The following CNTN5 variants were observed in gnomAD, a reference collection of about 807,000 sequenced individuals.
CNTN5 encodes the protein contactin 5.
Under a neutral mutation model 129.1 loss-of-function variants are expected in CNTN5, and 77 were observed. The ratio of observed to expected loss-of-function variants is 0.60; its 90% confidence interval spans 0.50 to 0.72. The LOEUF (loss-of-function observed/expected upper bound fraction) is 0.72. CNTN5 is among the 30% of genes least tolerant of loss of function. CNTN5 has a pLI of 0.00. For missense variants in CNTN5, 1,478 were observed against 1,328.8 expected, an observed-to-expected ratio of 1.11 and a Z score of -1.75; for synonymous variants, 509 against 465.6, an observed-to-expected ratio of 1.09 and a Z score of -1.20.
intron 21 of CNTN5, among the ~76,000 whole-genome samples, chr11:100,332,992 G>A (rs985283713): frequency 6.6e-6 from 1 of 152,082 alleles, no homozygotes; most frequent in Non-Finnish European, 1.5e-5. Flanking sequence ...TTGGTAAGGA[G>A]GAAGTCAAAC....
At chr11:99,648,581 G>T (rs1250717760) in intron 3 of CNTN5, among the ~76,000 whole-genome samples, 4 of 151,750 alleles carry the variant, frequency 2.6e-5, no homozygotes, top group Admixed American at 2.6e-4. Context: ...TTATCCAAAA[G>T]AAGTAAGTAT....
intron 3 of CNTN5, among the ~76,000 whole-genome samples, chr11:99,777,115 A>G (rs1945150505): frequency 6.6e-6 from 1 of 151,924 alleles, no homozygotes; most frequent in Non-Finnish European, 1.5e-5. Context: ...CTTTAAAGAA[A>G]TTAAGTTGAA....
intron 1 of CNTN5, among the ~76,000 whole-genome samples, chr11:99,314,376 G>A (rs1865245280): frequency 1.3e-5 from 2 of 152,090 alleles, no homozygotes; most frequent in African/African-American, 4.8e-5. Context: ...GAAGCATTCT[G>A]AAGTGCCATT....
intron 1 of CNTN5, among the ~76,000 whole-genome samples, chr11:99,144,448 A>G (rs1940500): frequency 0.94 from 143,699 of 152,194 alleles, 67,952 homozygotes; most frequent in East Asian, 1. Flanking sequence ...TCCATATCAC[A>G]TAAGGAAAAT....
intron 6 of CNTN5, among the ~76,000 whole-genome samples, chr11:99,908,167 A>G (rs893582494): frequency 2.6e-5 from 4 of 152,080 alleles, no homozygotes; most frequent in Non-Finnish European, 4.4e-5. Context: ...AGATAGTCCA[A>G]TTTAACAAAG....
chr11:99,401,366 C>T (rs895873851), intron 2 of CNTN5, among the ~76,000 whole-genome samples: 3 of 152,042 alleles, frequency 2.0e-5, no homozygotes, highest in African/African-American at 7.2e-5. Flanking sequence ...TTCTTGGTAC[C>T]TTTGTCAGAA....
intron 1 of CNTN5, among the ~76,000 whole-genome samples, chr11:99,234,993 T>C (rs990585569): frequency 6.6e-6 from 1 of 151,586 alleles, no homozygotes; most frequent in Non-Finnish European, 1.5e-5. Context: ...AAATGGCTAA[T>C]GACTGTTTGA....
chr11:99,981,077 G>GATAGAT (rs1938302649), intron 8 of CNTN5, among the ~76,000 whole-genome samples: 1 of 57,598 alleles, frequency 1.7e-5, no homozygotes, highest in Admixed American at 1.9e-4. Context: ...GAGCCAATAG[G>GATAGAT]ATATATATAT....
intron 3 of CNTN5, among the ~76,000 whole-genome samples, chr11:99,707,045 A>T (rs1036789484): frequency 6.6e-6 from 1 of 151,436 alleles, no homozygotes; most frequent in African/African-American, 2.4e-5. Context: ...GTTAATAGCC[A>T]TGTGGGTGAG....
chr11:100,248,358 A>C (rs1453756217), intron 16 of CNTN5, among the ~76,000 whole-genome samples: 1 of 152,072 alleles, frequency 6.6e-6, no homozygotes, highest in Non-Finnish European at 1.5e-5. Flanking sequence ...CACACTGGTT[A>C]ACATAGAGAG....
intron 6 of CNTN5, among the ~76,000 whole-genome samples, chr11:99,886,836 T>C (rs1948913376): frequency 6.6e-6 from 1 of 152,230 alleles, no homozygotes; most frequent in Non-Finnish European, 1.5e-5. Flanking sequence ...CTACTTCATT[T>C]TTCTAAAATT....
At chr11:99,841,894 ATATT>A (rs200737386) in intron 4 of CNTN5, among the ~76,000 whole-genome samples, 41,774 of 94,466 alleles carry the variant, frequency 0.44, 6,983 homozygotes, top group Non-Finnish European at 0.54. Flanking sequence ...ACATATATAT[ATATT>A]TTTTTTTTAT....
Position 99,056,260 on chromosome 11 carries a change from C to T in CNTN5, c.-210+34990C>T, listed in dbSNP as rs568489268. ...CAGGAGGAAATGATTTCCACACCTA[C>T]GCAATCATAACCAGTGGAAATATTG... On this transcript the variant is annotated intron_variant, in intron 1 of 24. Transcript: ENST00000524871. Among the ~76,000 whole-genome samples, 22 of 152,032 alleles carry T rather than the reference C, an allele frequency of 1.4e-4. No homozygotes were observed. The South Asian group carries it at 1.5e-3, about 10-fold the overall frequency.
chr11:100,245,323 C>G (rs1219285239), intron 16 of CNTN5, among the ~76,000 whole-genome samples: 1 of 152,158 alleles, frequency 6.6e-6, no homozygotes, highest in Non-Finnish European at 1.5e-5. Flanking sequence ...TTCATACAAA[C>G]TTGCATCGAA....
At chr11:99,036,006 A>C (rs1228824800) in intron 1 of CNTN5, among the ~76,000 whole-genome samples, 1 of 151,892 alleles carries the variant, frequency 6.6e-6, no homozygotes, top group Admixed American at 6.6e-5. Flanking sequence ...TCTGTAAAGT[A>C]TTTTATTTCT....
intron 1 of CNTN5, among the ~76,000 whole-genome samples, chr11:99,233,652 A>C (rs1033752089): frequency 8.5e-5 from 13 of 152,196 alleles, no homozygotes; most frequent in African/African-American, 3.1e-4. Flanking sequence ...ATGTGTATTA[A>C]ATAATTTGTT....
chr11:100,346,005 G>T (rs1952270656), intron 23 of CNTN5, among the ~76,000 whole-genome samples: 3 of 152,056 alleles, frequency 2.0e-5, no homozygotes, highest in Admixed American at 2.0e-4. Context: ...GCATATTTAT[G>T]ACTTTTCTTC....
intron 15 of CNTN5, among the ~76,000 whole-genome samples, chr11:100,202,842 G>A (rs1471336387): frequency 6.6e-6 from 1 of 151,858 alleles, no homozygotes; most frequent in African/African-American, 2.4e-5. Flanking sequence ...AGCAACACAG[G>A]CCCATTTACG....
chr11:99,294,563 T>C (rs1357898564), intron 1 of CNTN5, among the ~76,000 whole-genome samples: 1 of 152,178 alleles, frequency 6.6e-6, no homozygotes, highest in Admixed American at 6.5e-5. Context: ...ATGGATTGGA[T>C]GAAGTAATAT....
Sources: gnomAD v4.1 joint callset for allele counts (sites outside exome capture counted in the v4.1 genomes callset) on GRCh38, gnomAD v4.1.1 for gene constraint, MANE v1.5 for transcripts, NCBI Gene and HGNC (gene_info 2026-07-23, HGNC 2026-07-21) for gene names.